The following CNTNAP2 variants were observed in gnomAD, a reference collection of about 807,000 sequenced individuals.
CNTNAP2 encodes the protein contactin-associated protein-like 2.
In CNTNAP2, 98 loss-of-function variants were observed where a neutral mutation model predicts 155.2. The observed-to-expected ratio is 0.63, with a 90% CI of 0.54 to 0.75. The LOEUF (loss-of-function observed/expected upper bound fraction) is 0.75, where lower values mean the gene tolerates loss of function less well. Among genes scored for constraint, CNTNAP2 ranks in the 30% least tolerant of loss-of-function variants. CNTNAP2 has a pLI of 0.00. For synonymous variants in CNTNAP2, 651 were observed against 631.2 expected (o/e 1.03, Z -0.47); for missense variants, 1,727 against 1,688.1 (o/e 1.02, Z -0.40).
intron 1 of CNTNAP2, among the ~76,000 whole-genome samples, chr7:146,404,307 G>C (rs570916497): frequency 4.3e-4 from 65 of 152,242 alleles, no homozygotes; most frequent in Admixed American, 1.4e-3. Flanking sequence ...GAAGCCAGTA[G>C]CAGATGGGCA....
At chr7:148,171,304 C>G (rs1805789370) in intron 17 of CNTNAP2, among the ~76,000 whole-genome samples, 1 of 152,124 alleles carries the variant, frequency 6.6e-6, no homozygotes, top group Non-Finnish European at 1.5e-5. Flanking sequence ...ATGCTCATCA[C>G]CTATTTCTTT....
intron 4 of CNTNAP2, chr7:147,081,149 G>C (rs913910453): frequency 6.6e-6 from 1 of 152,102 alleles, no homozygotes. Context: ...CTGTCTTTGT[G>C]ATTTCAGGTA....
At chr7:147,443,949 GA>G in intron 10 of CNTNAP2, among the ~76,000 whole-genome samples, 1 of 152,178 alleles carries the variant, frequency 6.6e-6, no homozygotes, top group Non-Finnish European at 1.5e-5. Context: ...ACTGATTCCT[GA>G]GTTTGGTTTG....
intron 8 of CNTNAP2, 141 bp downstream of exon 8, chr7:147,132,650 A>T (rs1342765809): frequency 1.7e-6 from 2 of 1,160,276 alleles, no homozygotes; most frequent in Non-Finnish European, 2.5e-6. Flanking sequence ...ACTTGGTTGT[A>T]GTGTGTGCTG....
intron 17 of CNTNAP2, among the ~76,000 whole-genome samples, chr7:148,155,398 G>C (rs1283571944): frequency 6.6e-6 from 1 of 152,120 alleles, no homozygotes; most frequent in African/African-American, 2.4e-5. Context: ...GGAGAATTTT[G>C]TTTCTTTATT....
At chr7:146,556,611 G>A (rs1229190984) in intron 1 of CNTNAP2, among the ~76,000 whole-genome samples, 3 of 152,106 alleles carry the variant, frequency 2.0e-5, no homozygotes, top group Admixed American at 6.5e-5. Context: ...CAGTTAAGAA[G>A]ATCCAGTGAG....
At chr7:146,785,345 G>C in intron 2 of CNTNAP2, among the ~76,000 whole-genome samples, 1 of 152,194 alleles carries the variant, frequency 6.6e-6, no homozygotes, top group African/African-American at 2.4e-5. Flanking sequence ...GAGAATTTTT[G>C]TGAATGATTT....
chr7:146,147,814 G>A (rs1797978070), intron 1 of CNTNAP2, among the ~76,000 whole-genome samples: 1 of 152,010 alleles, frequency 6.6e-6, no homozygotes, highest in Non-Finnish European at 1.5e-5. Context: ...CATTTTCTGT[G>A]GACAAGGATT....
intron 17 of CNTNAP2, among the ~76,000 whole-genome samples, chr7:148,148,947 CA>C (rs2116654790): frequency 6.6e-6 from 1 of 152,286 alleles, no homozygotes; most frequent in African/African-American, 2.4e-5. Context: ...TTATAGATCA[CA>C]AAATTACACA....
chr7:147,336,375 A>G (rs1281574079), intron 9 of CNTNAP2, among the ~76,000 whole-genome samples: 1 of 152,174 alleles, frequency 6.6e-6, no homozygotes, highest in Non-Finnish European at 1.5e-5. Context: ...GCTCAGCACA[A>G]GAAAAGCCTT....
intron 2 of CNTNAP2, among the ~76,000 whole-genome samples, chr7:146,817,350 T>G (rs868076798): frequency 1.6e-4 from 25 of 152,000 alleles, no homozygotes; most frequent in African/African-American, 5.1e-4. Flanking sequence ...CACATGCCTG[T>G]AATCCCAGCT....
intron 21 of CNTNAP2, among the ~76,000 whole-genome samples, chr7:148,276,741 GAC>G (rs1796876968): frequency 6.6e-6 from 1 of 152,246 alleles, no homozygotes; most frequent in Non-Finnish European, 1.5e-5. Flanking sequence ...TGATCAGATT[GAC>G]ACTTTAGCCA....
At position 147,659,157 on chromosome 7, in the gene CNTNAP2, T is replaced by C. The variant is rs201206179; in HGVS notation, c.2098+19851T>C. ...AAAGGAAAGGAAAATCTGGGTGGAC[T>C]CAGAAGATGTGGCCTCTATAAAACT... On this transcript the variant is annotated intron_variant, in intron 13 of 23. Coordinates refer to ENST00000361727, the MANE Select transcript of CNTNAP2 (RefSeq NM_014141.6). 3.6e-4 allele frequency among the ~76,000 whole-genome samples: 55 copies of C among 152,328 alleles called. No homozygotes were observed. The East Asian group carries it at 7.7e-3, about 21-fold the overall frequency.
intron 13 of CNTNAP2, among the ~76,000 whole-genome samples, chr7:147,830,165 A>T (rs1584978517): frequency 7.8e-5 from 1 of 12,894 alleles, no homozygotes; most frequent in Non-Finnish European, 1.6e-4. Flanking sequence ...GTTGCTATTA[A>T]AAAAAAAAAA....
At chr7:147,143,578 T>A (rs1801643258) in intron 8 of CNTNAP2, among the ~76,000 whole-genome samples, 1 of 152,188 alleles carries the variant, frequency 6.6e-6, no homozygotes, top group African/African-American at 2.4e-5. Flanking sequence ...TTGATTTTTT[T>A]AATGTACTGA....
chr7:148,176,221 T>C (rs936528449), intron 18 of CNTNAP2, among the ~76,000 whole-genome samples: 11 of 132,872 alleles, frequency 8.3e-5, no homozygotes, highest in African/African-American at 3.3e-4. Context: ...CTTTTTTTTT[T>C]TTTTTTTTTT....
chr7:146,822,592 T>C (rs1385796378), intron 2 of CNTNAP2, among the ~76,000 whole-genome samples: 1 of 150,638 alleles, frequency 6.6e-6, no homozygotes, highest in Non-Finnish European at 1.5e-5. Context: ...TAATGAGACC[T>C]TTTGTGAATT....
At chr7:146,431,410 G>T (rs1413823657) in intron 1 of CNTNAP2, among the ~76,000 whole-genome samples, 2 of 151,878 alleles carry the variant, frequency 1.3e-5, no homozygotes, top group African/African-American at 4.8e-5. Flanking sequence ...ACCTCCATTT[G>T]TTGATTTTTG....
At chr7:146,992,120 A>AACAGT (rs917662955) in intron 3 of CNTNAP2, among the ~76,000 whole-genome samples, 3 of 152,200 alleles carry the variant, frequency 2.0e-5, no homozygotes, top group African/African-American at 7.2e-5. Context: ...GTGTAGCATA[A>AACAGT]ACAGTACATA....
Sources: allele counts gnomAD v4.1 joint callset (sites outside exome capture counted in the v4.1 genomes callset), GRCh38; gene constraint gnomAD v4.1.1; transcripts MANE v1.5; gene names NCBI Gene and HGNC (gene_info 2026-07-23, HGNC 2026-07-21).